Variants in SPAG17 observed in about 807,000 individuals in gnomAD.
The protein encoded by SPAG17 is sperm-associated antigen 17.
In SPAG17, 169 loss-of-function variants were observed where a neutral mutation model predicts 273.6. That is an observed-to-expected ratio of 0.62 (90% CI 0.55 to 0.70). The LOEUF (loss-of-function observed/expected upper bound fraction) is 0.70. Among genes scored for constraint, SPAG17 ranks in the 30% least tolerant of loss-of-function variants. The probability of loss-of-function intolerance (pLI) is 0.00; values close to 1 mark genes in which losing one functional copy is unlikely to be tolerated. For synonymous variants in SPAG17, 825 were observed against 873.2 expected, an observed-to-expected ratio of 0.94 and a Z score of 0.97; for missense variants, 2,557 against 2,627.8, an observed-to-expected ratio of 0.97 and a Z score of 0.59.
chr1:118,121,426 C>G (rs1657414362), intron 3 of SPAG17, among the ~76,000 whole-genome samples: 1 of 152,102 alleles, frequency 6.6e-6, no homozygotes, highest in Non-Finnish European at 1.5e-5. Context: ...CTGTCCATGG[C>G]CTGTTAGGAA....
Position 118,039,319 on chromosome 1 carries a change from C to T in SPAG17, c.3292G>A (p.Gly1098Arg), listed in dbSNP as rs1180855604. ...GTTTCAAGACTTTGTTCCTCATCTC[C>T]TTCTTCTTCCTCTTCTAAATAATAA... ...GDYYLEEEEE[G>R]DEEQSLETEV... Residue 1098 changes from glycine (G) to arginine (R), a missense_variant, in exon 23 of 49, where the codon GGA becomes AGA. Coordinates refer to ENST00000336338, the MANE Select transcript of SPAG17 (RefSeq NM_206996.4). 3.1e-6 allele frequency: 5 copies of T among 1,613,174 alleles called. No individual in the cohort carries two copies. The African/African-American group carries it at 6.7e-5, about 22-fold the overall frequency.
chr1:118,009,533 T>C (rs906518961), intron 30 of SPAG17, among the ~76,000 whole-genome samples: 3 of 152,182 alleles, frequency 2.0e-5, no homozygotes, highest in African/African-American at 7.2e-5. Context: ...TTTTTTCTGA[T>C]GCCACCTTTC....
chr1:118,151,469 T>C, intron 1 of SPAG17, 100 bp from the exon 2 acceptor site: 1 of 1,208,052 alleles, frequency 8.3e-7, no homozygotes, highest in Non-Finnish European at 1.1e-6. Context: ...CCTGTAAATC[T>C]TACTTGAAAG....
intron 20 of SPAG17, among the ~76,000 whole-genome samples, chr1:118,043,081 T>C (rs1649958544): frequency 6.6e-6 from 1 of 152,018 alleles, no homozygotes; most frequent in Non-Finnish European, 1.5e-5. Flanking sequence ...AATTGCCAAA[T>C]AGAGAATATA....
chr1:118,166,641 A>G (rs549554367), intron 1 of SPAG17, among the ~76,000 whole-genome samples: 1 of 152,214 alleles, frequency 6.6e-6, no homozygotes, highest in African/African-American at 2.4e-5. Flanking sequence ...CCTTGGCACA[A>G]TTTTTGTGTA....
chr1:117,954,204 G>A lies in SPAG17; in HGVS notation c.*1-155C>T, dbSNP rs375672193. The A allele has an allele frequency of 4.3e-6, 4 of 929,148 alleles. No homozygotes were observed. In the East Asian group the frequency reaches 1.0e-4, roughly 23 times the overall value. 57.6% of individuals were successfully genotyped at this position (929,148 alleles called of 1,614,324 possible). A position where few individuals can be genotyped will look rare whatever the true frequency, so the allele number is the denominator to read the frequency against. On this transcript the variant is annotated intron_variant, in intron 48 of 48. Transcript: ENST00000336338. ...ACTAAGATCAGGATATGCAATAAAT[G>A]GAATAGAATCTTTCCAACTCACTAT...
At chr1:117,993,250 G>A (rs1657303588) in intron 35 of SPAG17, among the ~76,000 whole-genome samples, 1 of 152,166 alleles carries the variant, frequency 6.6e-6, no homozygotes, top group Non-Finnish European at 1.5e-5. Flanking sequence ...TGTGCTGGAT[G>A]TGCTTCATTT....
At chr1:118,109,086 A>C (rs1656591977) in intron 4 of SPAG17, among the ~76,000 whole-genome samples, 1 of 152,138 alleles carries the variant, frequency 6.6e-6, no homozygotes, top group African/African-American at 2.4e-5. Context: ...CCTTACAATG[A>C]AAGGAAGATA....
At chr1:118,143,636 T>C (rs918754504) in intron 3 of SPAG17, among the ~76,000 whole-genome samples, 4 of 152,236 alleles carry the variant, frequency 2.6e-5, no homozygotes, top group Non-Finnish European at 4.4e-5. Context: ...CAATAAGTGG[T>C]AACTTTTATT....
intron 18 of SPAG17, among the ~76,000 whole-genome samples, chr1:118,057,855 G>C (rs74226733): frequency 6.7e-6 from 1 of 150,258 alleles, no homozygotes; most frequent in Non-Finnish European, 1.5e-5. Context: ...TTTTTTTTTT[G>C]TAAAATAATA....
chr1:117,982,904 C>T (rs1343514622), intron 42 of SPAG17, among the ~76,000 whole-genome samples: 1 of 152,034 alleles, frequency 6.6e-6, no homozygotes, highest in Non-Finnish European at 1.5e-5. Context: ...CTGGGCTGGT[C>T]GTCTTATAGA....
intron 4 of SPAG17, among the ~76,000 whole-genome samples, chr1:118,108,993 A>C (rs992233805): frequency 6.6e-6 from 1 of 152,192 alleles, no homozygotes; most frequent in African/African-American, 2.4e-5. Flanking sequence ...ATGCTTCAAA[A>C]TATTTTAGAT....
At chr1:118,081,794 A>G (rs1570655485) in intron 13 of SPAG17, 152 bp from the exon 14 acceptor site, 1 of 643,436 alleles carries the variant, frequency 1.6e-6, no homozygotes, top group Non-Finnish European at 2.7e-6. Context: ...TTGGCTCCCC[A>G]GTCTGCCGCA....
intron 25 of SPAG17, among the ~76,000 whole-genome samples, chr1:118,029,872 A>G (rs1648231324): frequency 6.6e-6 from 1 of 152,214 alleles, no homozygotes. Flanking sequence ...CAGAGGAAAA[A>G]TACATAAATA....
intron 20 of SPAG17, among the ~76,000 whole-genome samples, chr1:118,050,405 A>G (rs1557957597): frequency 6.6e-6 from 1 of 152,168 alleles, no homozygotes; most frequent in African/African-American, 2.4e-5. Flanking sequence ...CCTCAGTTGA[A>G]TTCTTTCTTC....
chr1:118,021,422 A>G (rs1660487220), intron 28 of SPAG17, among the ~76,000 whole-genome samples: 1 of 152,022 alleles, frequency 6.6e-6, no homozygotes, highest in African/African-American at 2.4e-5. Context: ...GTGGTTCAGG[A>G]TGGGTGGAAT....
At chr1:118,129,288 T>G (rs1657922392) in intron 3 of SPAG17, among the ~76,000 whole-genome samples, 1 of 152,236 alleles carries the variant, frequency 6.6e-6, no homozygotes, top group Non-Finnish European at 1.5e-5. Context: ...ATGGAGAGAT[T>G]TATGCCTTCT....
At position 117,996,293 on chromosome 1, in the gene SPAG17, G is replaced by A; in HGVS notation, c.5053+77C>T. The A allele has an allele frequency of 2.0e-6, 3 of 1,470,950 alleles. No individual in the cohort carries two copies. The South Asian group carries it at 4.5e-5, about 22-fold the overall frequency. 91.1% of individuals were successfully genotyped at this position (1,470,950 alleles called of 1,614,324 possible). A position where few individuals can be genotyped will look rare whatever the true frequency, so the allele number is the denominator to read the frequency against. On this transcript the variant is annotated intron_variant, in intron 34 of 48. Coordinates refer to ENST00000336338, the MANE Select transcript of SPAG17 (RefSeq NM_206996.4). ...CAAAGCGGAAAAAGTAAGATGACATGAAGATAGACTGGATAGTAAGGAGGA... is the reference window on the plus strand; with the variant it reads ...CAAAGCGGAAAAAGTAAGATGACATAAAGATAGACTGGATAGTAAGGAGGA...
At chr1:118,133,453 G>C (rs1658169034) in intron 3 of SPAG17, among the ~76,000 whole-genome samples, 1 of 152,124 alleles carries the variant, frequency 6.6e-6, no homozygotes, top group East Asian at 1.9e-4. Context: ...TTCTCCTGAA[G>C]ATACTCCTAA....
Sources: gnomAD v4.1 joint callset for allele counts (sites outside exome capture counted in the v4.1 genomes callset) on GRCh38, gnomAD v4.1.1 for gene constraint, MANE v1.5 for transcripts, NCBI Gene and HGNC (gene_info 2026-07-23, HGNC 2026-07-21) for gene names.